Variants in C12orf42 observed in about 807,000 individuals in gnomAD.
C12orf42 encodes the protein uncharacterized protein C12orf42.
C12orf42 carries 25 observed loss-of-function variants against 21.6 expected under a neutral mutation model. That is an observed-to-expected ratio of 1.16 (90% CI 0.84 to 1.62). The LOEUF (loss-of-function observed/expected upper bound fraction) is 1.62, where lower values mean the gene tolerates loss of function less well. C12orf42 is among the 40% of genes most tolerant of loss of function. The probability of loss-of-function intolerance (pLI) is 0.00; values close to 1 mark genes in which losing one functional copy is unlikely to be tolerated. For missense variants in C12orf42, 483 were observed against 459.3 expected (o/e 1.05, Z -0.47); for synonymous variants, 174 against 175.0 (o/e 0.99, Z 0.05).
At chr12:103,126,454 A>G in the C12orf42 span, among the ~76,000 whole-genome samples, 2 of 152,238 alleles carry the variant, frequency 1.3e-5, no homozygotes, top group Non-Finnish European at 2.9e-5. Flanking sequence ...TAAATATATT[A>G]CAATAATCCT....
the C12orf42 span, among the ~76,000 whole-genome samples, chr12:103,176,483 T>A: frequency 2.0e-5 from 3 of 152,218 alleles, no homozygotes; most frequent in Non-Finnish European, 4.4e-5. Context: ...CCTGGCACAC[T>A]GGTAAATGTT....
chr12:103,364,096 A>G (rs2044368658), intron 4 of C12orf42, among the ~76,000 whole-genome samples: 1 of 152,138 alleles, frequency 6.6e-6, no homozygotes, highest in Admixed American at 6.6e-5. Flanking sequence ...GTGATAGGCC[A>G]CAAAACAAGC....
chr12:103,124,524 G>A, the C12orf42 span, among the ~76,000 whole-genome samples: 1 of 152,086 alleles, frequency 6.6e-6, no homozygotes, highest in Non-Finnish European at 1.5e-5. Flanking sequence ...TTTCCTCAGG[G>A]CCTGGTCACA....
intron 1 of C12orf42, among the ~76,000 whole-genome samples, chr12:103,480,408 C>A (rs921060388): frequency 2.0e-5 from 3 of 150,142 alleles, no homozygotes; most frequent in African/African-American, 7.3e-5. Flanking sequence ...TTTGTGGATT[C>A]TTTTTATATG....
chr12:103,199,099 G>C, the C12orf42 span, among the ~76,000 whole-genome samples: 6 of 152,022 alleles, frequency 3.9e-5, no homozygotes, highest in Non-Finnish European at 8.8e-5. Context: ...GTGTGGTTCT[G>C]GTGGCAAAAC....
At chr12:103,520,052 T>C in the C12orf42 span, among the ~76,000 whole-genome samples, 1 of 152,136 alleles carries the variant, frequency 6.6e-6, no homozygotes, top group Non-Finnish European at 1.5e-5. Flanking sequence ...TTCCTCAAAG[T>C]GACAAAGAAG....
chr12:103,362,716 G>A (rs73185871), intron 4 of C12orf42, among the ~76,000 whole-genome samples: 21,969 of 152,034 alleles, frequency 0.14, 1,931 homozygotes, highest in South Asian at 0.28. Flanking sequence ...GAAAGTCTCA[G>A]CAATAGAATC....
At chr12:103,123,286 G>A in the C12orf42 span, among the ~76,000 whole-genome samples, 1 of 152,160 alleles carries the variant, frequency 6.6e-6, no homozygotes, top group Non-Finnish European at 1.5e-5. Flanking sequence ...ATTGCAGGTA[G>A]GGAGTGCTGA....
At chr12:103,529,573 G>A in the C12orf42 span, among the ~76,000 whole-genome samples, 6 of 152,296 alleles carry the variant, frequency 3.9e-5, 1 homozygote, top group South Asian at 1.0e-3. Flanking sequence ...CCACAGGTCT[G>A]GGCTGGCAGC....
At chr12:103,237,377 T>C (rs1397903594), downstream of C12orf42, among the ~76,000 whole-genome samples, 1 of 152,138 alleles carries the variant, frequency 6.6e-6, no homozygotes, top group African/African-American at 2.4e-5. Flanking sequence ...GATCCCAGGG[T>C]CTGCAGTCAG....
the C12orf42 span, among the ~76,000 whole-genome samples, chr12:103,124,313 G>T: frequency 1.3e-5 from 2 of 151,808 alleles, no homozygotes; most frequent in African/African-American, 2.4e-5. Flanking sequence ...CCACAGAAAA[G>T]TGTGTACCAT....
chr12:103,528,422 A>G, the C12orf42 span, among the ~76,000 whole-genome samples: 1 of 152,184 alleles, frequency 6.6e-6, no homozygotes, highest in Non-Finnish European at 1.5e-5. Context: ...TCATGTTGAA[A>G]TTTGATCCCT....
intron 4 of C12orf42, among the ~76,000 whole-genome samples, chr12:103,321,807 T>A (rs889533300): frequency 2.7e-5 from 4 of 150,542 alleles, no homozygotes; most frequent in African/African-American, 9.8e-5. Context: ...TAGGTGGGAA[T>A]TGAACAATGA....
At chr12:103,333,866 T>A (rs999244358) in intron 4 of C12orf42, among the ~76,000 whole-genome samples, 4 of 152,162 alleles carry the variant, frequency 2.6e-5, no homozygotes, top group African/African-American at 9.7e-5. Flanking sequence ...TGGAAATCAA[T>A]CTCCAGAATT....
chr12:103,316,030 C>G (rs1212209171), intron 4 of C12orf42, among the ~76,000 whole-genome samples: 2 of 150,616 alleles, frequency 1.3e-5, no homozygotes, highest in Non-Finnish European at 3.0e-5. Context: ...TATACACACA[C>G]ATGCACTGAT....
chr12:103,199,551 A>G, the C12orf42 span, among the ~76,000 whole-genome samples: 2 of 152,226 alleles, frequency 1.3e-5, no homozygotes, highest in African/African-American at 4.8e-5. Context: ...AAATATTTGT[A>G]AACCACATAT....
At chr12:103,146,141 A>G in the C12orf42 span, among the ~76,000 whole-genome samples, 1 of 152,070 alleles carries the variant, frequency 6.6e-6, no homozygotes, top group Non-Finnish European at 1.5e-5. Flanking sequence ...CATACATATT[A>G]TGTAATTAAA....
downstream of C12orf42, among the ~76,000 whole-genome samples, chr12:103,237,317 G>T (rs1593185495): frequency 1.3e-5 from 2 of 152,158 alleles, no homozygotes; most frequent in East Asian, 3.9e-4. Flanking sequence ...AAATGAAGAG[G>T]GGGATATCAA....
chr12:103,459,126 T>C (rs1296269559), intron 2 of C12orf42, among the ~76,000 whole-genome samples: 2 of 152,140 alleles, frequency 1.3e-5, no homozygotes, highest in Non-Finnish European at 1.5e-5. Flanking sequence ...AAGCTAAAGT[T>C]GGCCATAAGA....
Sources: allele counts gnomAD v4.1 joint callset (sites outside exome capture counted in the v4.1 genomes callset), GRCh38; gene constraint gnomAD v4.1.1; transcripts MANE v1.5; gene names NCBI Gene and HGNC (gene_info 2026-07-23, HGNC 2026-07-21).